GPR158: variants seen among roughly 807,000 people sequenced by gnomAD.
The protein encoded by GPR158 is G protein-coupled receptor 158, also known as metabotropic glycine receptor.
GPR158 carries 30 observed loss-of-function variants against 78.2 expected under a neutral mutation model. That is an observed-to-expected ratio of 0.38 (90% CI 0.29 to 0.52). The LOEUF is 0.52. Ranked by LOEUF, GPR158 falls within the 20% of genes least tolerant of loss-of-function variation. GPR158 has a pLI of 0.83. For missense variants in GPR158, 1,463 were observed against 1,523.5 expected (o/e 0.96, Z 0.66); for synonymous variants, 581 against 591.1 (o/e 0.98, Z 0.25).
intron 2 of GPR158, among the ~76,000 whole-genome samples, chr10:25,245,389 A>G (rs888915627): frequency 2.7e-4 from 41 of 152,180 alleles, no homozygotes; most frequent in African/African-American, 8.9e-4. Flanking sequence ...AACACATATG[A>G]TAGAGGGTTC....
chr10:25,588,547 T>TA (rs1837300350), intron 7 of GPR158, among the ~76,000 whole-genome samples: 2 of 152,244 alleles, frequency 1.3e-5, no homozygotes, highest in Non-Finnish European at 2.9e-5. Context: ...ATGTTATCTT[T>TA]ACTTATTGTA....
Position 25,598,363 on chromosome 10 carries a change from ACT to A in GPR158, c.2740_2741del (p.Leu914TrpfsTer16). On this transcript the variant is annotated frameshift_variant, in exon 11 of 11. Coordinates refer to ENST00000376351, the MANE Select transcript of GPR158 (RefSeq NM_020752.3). LOFTEE classifies it low-confidence loss of function (END_TRUNC). The part of the protein sequence containing the change: ...LSVIASAKEK[T>X]LGLAGKTQTA... ...TGTCATAGCAAGCGCCAAGGAGAAG[ACT>A]CTTGGATTAGCTGGGAAAACCCAAA... 1 of 1,613,966 alleles carries A rather than the reference ACT, an allele frequency of 6.2e-7. No homozygotes were observed. Among genetic ancestry groups the A allele is most frequent in the Non-Finnish European group, 8.5e-7 (1 of 1,179,986 alleles).
intron 2 of GPR158, among the ~76,000 whole-genome samples, chr10:25,298,338 A>G (rs531803411): frequency 1.0e-3 from 155 of 152,330 alleles, no homozygotes; most frequent in Admixed American, 2.6e-3. Context: ...TTTCAAGGCA[A>G]TCTTTTAAAA....
intron 5 of GPR158, among the ~76,000 whole-genome samples, chr10:25,472,606 T>C (rs1292572548): frequency 1.1e-4 from 16 of 152,246 alleles, no homozygotes; most frequent in Non-Finnish European, 1.5e-5. Flanking sequence ...CATGGAATGT[T>C]CTTCCATTTG....
chr10:25,556,548 G>A (rs547789927), intron 6 of GPR158, among the ~76,000 whole-genome samples: 10 of 152,298 alleles, frequency 6.6e-5, no homozygotes, highest in Admixed American at 2.0e-4. Context: ...ACTCTGGGGT[G>A]CAGAGTATCT....
intron 5 of GPR158, among the ~76,000 whole-genome samples, chr10:25,480,583 CA>C (rs1835653438): frequency 1.3e-5 from 2 of 152,160 alleles, no homozygotes; most frequent in African/African-American, 2.4e-5. Context: ...CAGAATCACA[CA>C]ACATTTATTC....
chr10:25,427,705 C>G lies in GPR158; in HGVS notation c.1335+15232C>G, dbSNP rs78896836. Among the ~76,000 whole-genome samples the G allele has an allele frequency of 2.5e-3, 383 of 152,124 alleles. 1 individual carries two copies. Among genetic ancestry groups the G allele is most frequent in the African/African-American group, 8.7e-3 (363 of 41,530 alleles). On this transcript the variant is annotated intron_variant, in intron 4 of 10. Coordinates refer to ENST00000376351, the MANE Select transcript of GPR158 (RefSeq NM_020752.3). The stretch of plus-strand genomic sequence containing the variant: ...TAGTATTTTATATCAGTCAGAAAAT[C>G]TTATACTTGATATGGATTCTTCCTT...
chr10:25,306,716 A>T (rs1264637102), intron 2 of GPR158, among the ~76,000 whole-genome samples: 1 of 152,196 alleles, frequency 6.6e-6, no homozygotes, highest in Non-Finnish European at 1.5e-5. Context: ...TGTGTCATGC[A>T]TGCCAGAATA....
chr10:25,355,653 T>C (rs1440292399), intron 2 of GPR158, among the ~76,000 whole-genome samples: 2 of 152,118 alleles, frequency 1.3e-5, no homozygotes, highest in Non-Finnish European at 2.9e-5. Context: ...TTTTATTGGA[T>C]CTGTTTGCTT....
chr10:25,551,161 C>A, intron 6 of GPR158, 76 bp downstream of exon 6: 1 of 833,948 alleles, frequency 1.2e-6, no homozygotes, highest in Non-Finnish European at 2.1e-6. Context: ...GTTAGCTGGG[C>A]TGACCACTTA....
At chr10:25,324,854 A>T (rs1217491115) in intron 2 of GPR158, among the ~76,000 whole-genome samples, 13 of 128,246 alleles carry the variant, frequency 1.0e-4, no homozygotes, top group African/African-American at 2.3e-4. Context: ...TTTTTGAGAC[A>T]TTGAGACAAG....
chr10:25,563,985 T>C (rs1836894793), intron 6 of GPR158, among the ~76,000 whole-genome samples: 1 of 152,074 alleles, frequency 6.6e-6, no homozygotes, highest in South Asian at 2.1e-4. Flanking sequence ...ACATTTTGAA[T>C]ATTATATTAT....
At chr10:25,366,909 C>G (rs181931336) in intron 2 of GPR158, among the ~76,000 whole-genome samples, 19 of 151,752 alleles carry the variant, frequency 1.3e-4, no homozygotes, top group African/African-American at 4.3e-4. Context: ...ATTGGCATGT[C>G]TATCTTTTTC....
At chr10:25,386,327 T>G (rs758939213) in intron 2 of GPR158, among the ~76,000 whole-genome samples, 2 of 152,206 alleles carry the variant, frequency 1.3e-5, no homozygotes, top group Non-Finnish European at 2.9e-5. Context: ...ACCACACTGT[T>G]TTGATTACTA....
At chr10:25,255,571 T>G (rs1853879354) in intron 2 of GPR158, among the ~76,000 whole-genome samples, 1 of 152,194 alleles carries the variant, frequency 6.6e-6, no homozygotes, top group East Asian at 1.9e-4. Flanking sequence ...CTTGTGGTTA[T>G]AGGATGGAGA....
chr10:25,310,251 A>T (rs1255682987), intron 2 of GPR158, among the ~76,000 whole-genome samples: 1 of 152,146 alleles, frequency 6.6e-6, no homozygotes, highest in Admixed American at 6.5e-5. Flanking sequence ...CAGTTCCATC[A>T]ATCTATATGT....
intron 5 of GPR158, among the ~76,000 whole-genome samples, chr10:25,503,602 T>C (rs1035334462): frequency 6.6e-6 from 1 of 152,194 alleles, no homozygotes; most frequent in African/African-American, 2.4e-5. Flanking sequence ...CTGGGTATAT[T>C]ATTCCTTACC....
intron 5 of GPR158, among the ~76,000 whole-genome samples, chr10:25,486,221 T>G (rs1368213985): frequency 2.6e-5 from 4 of 152,178 alleles, no homozygotes. Flanking sequence ...ACATCCTAAT[T>G]CAAACCCTAC....
At chr10:25,365,543 T>C (rs1855708731) in intron 2 of GPR158, among the ~76,000 whole-genome samples, 1 of 151,750 alleles carries the variant, frequency 6.6e-6, no homozygotes, top group Non-Finnish European at 1.5e-5. Context: ...ATAATTCTTA[T>C]ATAATCACTT....
Sources: allele counts gnomAD v4.1 joint callset (sites outside exome capture counted in the v4.1 genomes callset), GRCh38; gene constraint gnomAD v4.1.1; transcripts MANE v1.5; gene names NCBI Gene and HGNC (gene_info 2026-07-23, HGNC 2026-07-21).